SBF2: variants seen among roughly 807,000 people sequenced by gnomAD.
SBF2 encodes the protein SET binding factor 2.
Under a neutral mutation model 225.2 loss-of-function variants are expected in SBF2, and 112 were observed. That is an observed-to-expected ratio of 0.50 (90% CI 0.43 to 0.58). The LOEUF is 0.58. Among genes scored for constraint, SBF2 ranks in the 20% least tolerant of loss-of-function variants. SBF2 has a pLI of 0.00. For synonymous variants in SBF2, 763 were observed against 773.3 expected, an observed-to-expected ratio of 0.99 and a Z score of 0.22; for missense variants, 1,996 against 2,206.2, an observed-to-expected ratio of 0.90 and a Z score of 1.91.
In SBF2 at chr11:9,983,687, G is replaced by A. The variant is rs928176871; in HGVS notation, c.1395+5810C>T. Among the ~76,000 whole-genome samples the A allele has an allele frequency of 1.3e-4, 20 of 152,076 alleles. 1 individual carries two copies. Among genetic ancestry groups the A allele is most frequent in the Admixed American group, 7.9e-4 (12 of 15,260 alleles). On this transcript the variant is annotated intron_variant, in intron 13 of 39. Transcript: ENST00000256190. ...CCTCATGGAGCTCACTGCACCCTCC[G>A]CCACCTCCACCGGAACAGGCACTGG...
chr11:9,802,259 T>C (rs1282842799), intron 32 of SBF2, among the ~76,000 whole-genome samples: 1 of 152,214 alleles, frequency 6.6e-6, no homozygotes. Flanking sequence ...AATGATATCA[T>C]TTGAGCTAAG....
At position 10,284,921 on chromosome 11, in the gene SBF2, GTT is replaced by G. The variant is rs34656701; in HGVS notation, c.55+9092_55+9093del. Among the ~76,000 whole-genome samples, 946 of 147,964 alleles carry G rather than the reference GTT, an allele frequency of 6.4e-3. 6 individuals are homozygous for G. The highest frequency in any genetic ancestry group is 9.5e-3 in the Non-Finnish European group (633 of 66,882). ...AGCCAACTGCACCCAGCTGACAAGA[GTT>G]TTTTTTTTTTAATCCAATTATAAAA... On this transcript the variant is annotated intron_variant, in intron 1 of 39. Transcript: ENST00000256190.
chr11:10,141,831 A>G (rs1954662191), intron 2 of SBF2, among the ~76,000 whole-genome samples: 1 of 152,186 alleles, frequency 6.6e-6, no homozygotes, highest in Non-Finnish European at 1.5e-5. Flanking sequence ...AACTTATTAC[A>G]AAACTTGCAT....
chr11:9,866,944 A>G lies in SBF2; in HGVS notation c.1930-8548T>C, dbSNP rs566551904. On this transcript the variant is annotated intron_variant, in intron 17 of 39. Coordinates refer to ENST00000256190, the MANE Select transcript of SBF2 (RefSeq NM_030962.4). ...GAGCAGACATTTCTTAAAAGAAGAC[A>G]TAAAAATGGTCGACAGGCATATTAA... Among the ~76,000 whole-genome samples, 7 of 152,346 alleles carry G rather than the reference A, an allele frequency of 4.6e-5. No individual in the cohort carries two copies. The East Asian group carries it at 1.2e-3, about 25-fold the overall frequency.
intron 2 of SBF2, among the ~76,000 whole-genome samples, chr11:10,101,096 G>A (rs1952281137): frequency 6.6e-6 from 1 of 152,138 alleles, no homozygotes; most frequent in African/African-American, 2.4e-5. Context: ...GGAATTGCTG[G>A]CACAAGTTCA....
intron 16 of SBF2, among the ~76,000 whole-genome samples, chr11:9,908,958 G>C (rs953050778): frequency 1.8e-4 from 27 of 151,732 alleles, no homozygotes; most frequent in African/African-American, 6.1e-4. Flanking sequence ...AAAGTGCTGG[G>C]ATTACAGATG....
intron 1 of SBF2, among the ~76,000 whole-genome samples, chr11:10,205,899 C>T (rs1225371065): frequency 6.6e-6 from 1 of 151,904 alleles, no homozygotes; most frequent in Non-Finnish European, 1.5e-5. Context: ...ATCAAGTAAC[C>T]TCGGCAGACA....
At chr11:9,939,886 G>A (rs1295397925) in intron 16 of SBF2, among the ~76,000 whole-genome samples, 1 of 152,128 alleles carries the variant, frequency 6.6e-6, no homozygotes, top group African/African-American at 2.4e-5. Context: ...CTAAACTGTG[G>A]AGTAAGTCAT....
At position 10,254,758 on chromosome 11, in the gene SBF2, G is replaced by A. The variant is rs569457123; in HGVS notation, c.55+39257C>T. ...CCTATTAAATATATTAAAAAAGTTA[G>A]CTGGGCATGGTGGTGCATGCCTGTA... On this transcript the variant is annotated intron_variant, in intron 1 of 39. Coordinates refer to ENST00000256190, the MANE Select transcript of SBF2 (RefSeq NM_030962.4). Among the ~76,000 whole-genome samples the A allele has an allele frequency of 7.3e-5, 11 of 151,376 alleles. No homozygotes were observed. In the South Asian group the frequency reaches 2.3e-3, roughly 32 times the overall value.
intron 2 of SBF2, among the ~76,000 whole-genome samples, chr11:10,140,898 T>G (rs11821308): frequency 0.26 from 38,801 of 152,078 alleles, 5,109 homozygotes; most frequent in Middle Eastern, 0.32. Context: ...TTTCAGAAGA[T>G]AAATATTTTA....
In SBF2 at chr11:9,995,935, C is replaced by T. The variant is rs191143417; in HGVS notation, c.976-1937G>A. Among the ~76,000 whole-genome samples, 217 of 151,792 alleles carry T rather than the reference C, an allele frequency of 1.4e-3. 2 individuals are homozygous for T. The highest frequency in any genetic ancestry group is 2.5e-3 in the South Asian group (12 of 4,824). Reference sequence around the variant, plus strand: ...TCAGTCTTCCAAAGTGTTGGGATTACACGCATGAGCCACCGCACCCGGCCG... The same window carrying T: ...TCAGTCTTCCAAAGTGTTGGGATTATACGCATGAGCCACCGCACCCGGCCG... On this transcript the variant is annotated intron_variant, in intron 9 of 39. Transcript: ENST00000256190.
Position 9,847,020 on chromosome 11 carries a change from G to A in SBF2, c.2870C>T (p.Thr957Ile). The A allele has an allele frequency of 6.2e-7, 1 of 1,613,774 alleles. No homozygotes were observed. ...IASITKEKKI[T>I]MQNQLQQNMQ... ...GTTCTGCTGTAGCTGGTTCTGCATT[G>A]TAATCTTCTTCTCCTTGGTGATGGA... Residue 957 changes from threonine (T) to isoleucine (I), a missense_variant, in exon 23 of 40, where the codon ACA becomes ATA. By Grantham distance (89) the Thr-to-Ile change is moderately conservative. Coordinates refer to ENST00000256190, the MANE Select transcript of SBF2 (RefSeq NM_030962.4).
At chr11:9,997,998 C>CA (rs1201034347) in intron 9 of SBF2, among the ~76,000 whole-genome samples, 11 of 152,108 alleles carry the variant, frequency 7.2e-5, no homozygotes, top group Admixed American at 7.2e-4. Flanking sequence ...GGTGAATTTC[C>CA]AATACCTAGG....
intron 38 of SBF2, among the ~76,000 whole-genome samples, chr11:9,782,628 T>G (rs967137604): frequency 6.6e-6 from 1 of 152,080 alleles, no homozygotes; most frequent in Non-Finnish European, 1.5e-5. Context: ...CCTAACACTT[T>G]GGGAGGCTGA....
intron 17 of SBF2, among the ~76,000 whole-genome samples, chr11:9,886,126 C>T (rs142676396): frequency 1.3e-5 from 2 of 152,316 alleles, no homozygotes; most frequent in African/African-American, 4.8e-5. Context: ...AAATTAGAGG[C>T]TGGCTCAGTC....
At chr11:10,177,230 A>G (rs1338500378) in intron 2 of SBF2, among the ~76,000 whole-genome samples, 2 of 151,884 alleles carry the variant, frequency 1.3e-5, no homozygotes, top group African/African-American at 2.4e-5. Context: ...CACACAGCCA[A>G]TATCATACTG....
chr11:9,868,484 C>G (rs1050355600), intron 17 of SBF2, among the ~76,000 whole-genome samples: 1 of 151,592 alleles, frequency 6.6e-6, no homozygotes, highest in African/African-American at 2.4e-5. Context: ...CGCCACTGCA[C>G]TCCAGCCTGG....
chr11:9,932,367 C>A (rs917826252), intron 16 of SBF2, among the ~76,000 whole-genome samples: 1 of 152,074 alleles, frequency 6.6e-6, no homozygotes. Flanking sequence ...AAAAATGTTA[C>A]GGGCAGCCAG....
intron 13 of SBF2, among the ~76,000 whole-genome samples, chr11:9,977,206 AG>A (rs951786047): frequency 6.6e-6 from 1 of 152,138 alleles, no homozygotes; most frequent in African/African-American, 2.4e-5. Flanking sequence ...CATAGAGGCC[AG>A]GGGCATTGGC....
Sources: allele counts gnomAD v4.1 joint callset (sites outside exome capture counted in the v4.1 genomes callset), GRCh38; gene constraint gnomAD v4.1.1; transcripts MANE v1.5; gene names NCBI Gene and HGNC (gene_info 2026-07-23, HGNC 2026-07-21).